Variants in DCAF4 observed in about 807,000 individuals in gnomAD.
DCAF4 encodes DDB1- and CUL4-associated factor 4.
Under a neutral mutation model 60.9 loss-of-function variants are expected in DCAF4, and 37 were observed. The ratio of observed to expected loss-of-function variants is 0.61; its 90% CI spans 0.47 to 0.80. The LOEUF is 0.80. Ranked by LOEUF, DCAF4 falls within the 30% of genes least tolerant of loss-of-function variation. DCAF4 has a pLI of 0.00. For missense variants in DCAF4, 577 were observed against 650.0 expected (o/e 0.89, Z 1.22); for synonymous variants, 243 against 254.8 (o/e 0.95, Z 0.44).
chr14:72,929,159 C>G lies in DCAF4; in HGVS notation c.-9+2616C>G, dbSNP rs571635159. On this transcript the variant is annotated intron_variant, in intron 1 of 13. Coordinates refer to ENST00000358377, the MANE Select transcript of DCAF4 (RefSeq NM_015604.4). The stretch of plus-strand genomic sequence containing the variant: ...CCTCCTCTGGGCCTGCGCCTTGGGC[C>G]TATTGAGGCCAGGCCTGGAATGGTG... Among the ~76,000 whole-genome samples, 385 of 150,328 alleles carry G rather than the reference C, an allele frequency of 2.6e-3. 1 individual carries two copies. Among genetic ancestry groups the G allele is most frequent in the Non-Finnish European group, 3.4e-3 (231 of 67,380 alleles).
At chr14:72,941,492 C>T (rs1225957677) in intron 4 of DCAF4, among the ~76,000 whole-genome samples, 4 of 152,140 alleles carry the variant, frequency 2.6e-5, no homozygotes, top group South Asian at 4.2e-4. Context: ...TTCGTCCCCC[C>T]GGGTGTATGT....
rs564364944 is a variant in DCAF4, at chr14:72,940,471, G to A, written c.351+94G>A. Reference sequence around the variant, plus strand: ...AAGGGTGCCAATTAGATGCCCCTGCGACACTTAGCAGAGGCACTTCAGGGG... The same window carrying A: ...AAGGGTGCCAATTAGATGCCCCTGCAACACTTAGCAGAGGCACTTCAGGGG... On this transcript the variant is annotated intron_variant, in intron 4 of 13. Transcript: ENST00000358377. 533 of 1,338,982 alleles carry A rather than the reference G, an allele frequency of 4.0e-4. 2 individuals are homozygous for A. The highest frequency in any genetic ancestry group is 4.8e-4 in the Non-Finnish European group (480 of 1,009,932). 82.9% of individuals were successfully genotyped at this position (1,338,982 alleles called of 1,614,324 possible).
chr14:72,937,964 CT>C lies in DCAF4; in HGVS notation c.-8-3del. 1.3e-6 allele frequency: 2 copies of C among 1,582,646 alleles called. No individual in the cohort carries two copies. Among genetic ancestry groups the C allele is most frequent in the Non-Finnish European group, 1.7e-6 (2 of 1,170,570 alleles). On this transcript the variant is annotated splice_polypyrimidine_tract_variant and splice_region_variant and intron_variant, in intron 1 of 13. Transcript: ENST00000358377. ...GATGTATGGATTTTTTTGTTTTTCTCTTTTAGGAACAGAAATGAATAAAAGT... is the reference window on the plus strand; with the variant it reads ...GATGTATGGATTTTTTTGTTTTTCTCTTTAGGAACAGAAATGAATAAAAGT...
intron 6 of DCAF4, among the ~76,000 whole-genome samples, chr14:72,943,324 C>T (rs1890300914): frequency 6.6e-6 from 1 of 152,210 alleles, no homozygotes; most frequent in Middle Eastern, 3.2e-3. Context: ...ACTTCAGCTC[C>T]GTCGTTTAAC....
intron 7 of DCAF4, among the ~76,000 whole-genome samples, chr14:72,946,303 G>A (rs1890738707): frequency 6.6e-6 from 1 of 151,944 alleles, no homozygotes; most frequent in South Asian, 2.1e-4. Context: ...CTCGGGGGGA[G>A]GTGAGGTGGG....
At chr14:72,953,802 GTGTGTGTGTGTGTGTGTGTGTGTGTGTA>G (rs1891891010) in intron 9 of DCAF4, among the ~76,000 whole-genome samples, 1 of 131,642 alleles carries the variant, frequency 7.6e-6, no homozygotes, top group African/African-American at 3.0e-5. Context: ...GTGTGTGTGT[GTGTGTGTGTGTGTGTGTGTGTGTGTGTA>G]TATACACACA....
At position 72,941,787 on chromosome 14, in the gene DCAF4, A is replaced by T. The variant is rs1297966200; in HGVS notation, c.394A>T (p.Ser132Cys). The change falls in exon 5 of 14, where the codon AGC becomes TGC. Residue 132 changes from serine (S) to cysteine (C), a missense_variant. Physicochemically the swap from Ser to Cys is moderately radical, Grantham distance 112. Coordinates refer to ENST00000358377, the MANE Select transcript of DCAF4 (RefSeq NM_015604.4). The stretch of plus-strand genomic sequence containing the variant: ...TAATGCATCTTCCATGCTACGAAAA[A>T]GCCAGCTGGGTTTTCTCAACGTCAC... ...GFNASSMLRK[S>C]QLGFLNVTNY... The T allele has an allele frequency of 6.2e-7, 1 of 1,614,158 alleles. No homozygotes were observed. The highest frequency in any genetic ancestry group is 1.7e-5 in the Admixed American group (1 of 60,008).
At chr14:72,932,237 TG>T (rs200959646) in intron 1 of DCAF4, among the ~76,000 whole-genome samples, 2,001 of 152,320 alleles carry the variant, frequency 0.013, 48 homozygotes, top group African/African-American at 0.045. Flanking sequence ...GCGATCTGCC[TG>T]CCTTGGCCTC....
rs1890055575 is a variant in DCAF4 at position 72,941,621 on chromosome 14, A to G, written c.352-124A>G. 11 of 860,860 alleles carry G rather than the reference A, an allele frequency of 1.3e-5. No homozygotes were observed. In the Admixed American group the frequency reaches 2.3e-4, roughly 18 times the overall value. 53.3% of individuals were successfully genotyped at this position (860,860 alleles called of 1,614,324 possible). On this transcript the variant is annotated intron_variant, in intron 4 of 13. Coordinates refer to ENST00000358377, the MANE Select transcript of DCAF4 (RefSeq NM_015604.4). ...AAAGGACACCGTCAGATTTTTATGC[A>G]TATAATTTCTGCCAATTTAGTGCCT...
chr14:72,949,018 C>G (rs1440352664), intron 8 of DCAF4, among the ~76,000 whole-genome samples: 1 of 152,174 alleles, frequency 6.6e-6, no homozygotes, highest in African/African-American at 2.4e-5. Flanking sequence ...CCTTCCAAAC[C>G]CAGAAGCAAA....
At position 72,954,452 on chromosome 14, in the gene DCAF4, G is replaced by A; in HGVS notation, c.974G>A (p.Ser325Asn). 1.9e-6 allele frequency: 3 copies of A among 1,614,248 alleles called. No individual in the cohort carries two copies. The highest frequency in any genetic ancestry group is 2.5e-6 in the Non-Finnish European group (3 of 1,180,052). ...CACCGGCAGTCCTTTGGGACCAACA[G>A]TGATGTCTTGGCCCAGCAGTTTGCT... ...TGHRQSFGTN[S>N]DVLAQQFALM... Residue 325 changes from serine to asparagine, a missense_variant, in exon 11 of 14, where the codon AGT (serine) becomes AAT (asparagine). By Grantham distance (46) the Ser-to-Asn change is conservative. Coordinates refer to ENST00000358377, the MANE Select transcript of DCAF4 (RefSeq NM_015604.4).
chr14:72,938,236 G>C (rs185549551), intron 2 of DCAF4, among the ~76,000 whole-genome samples, 166 bp downstream of exon 2: 3 of 152,214 alleles, frequency 2.0e-5, no homozygotes, highest in Non-Finnish European at 4.4e-5. Flanking sequence ...CCTTCCTAAC[G>C]TGCTCCCAGG....
intron 5 of DCAF4, 100 bp from the exon 6 acceptor site, chr14:72,942,894 G>A (rs1890233432): frequency 2.0e-6 from 2 of 1,012,688 alleles, no homozygotes; most frequent in Admixed American, 4.3e-5. Flanking sequence ...GGCTGACGAG[G>A]AGAGATGGGC....
At chr14:72,960,361 G>T (rs145192710), downstream of DCAF4, among the ~76,000 whole-genome samples, 157 of 152,090 alleles carry the variant, frequency 1.0e-3, 1 homozygote, top group African/African-American at 3.7e-3. Context: ...TGTTGGTCAG[G>T]CTGGCCTCAA....
At chr14:72,961,375 A>G (rs754159294), downstream of DCAF4, among the ~76,000 whole-genome samples, 2 of 152,160 alleles carry the variant, frequency 1.3e-5, no homozygotes, top group Non-Finnish European at 2.9e-5. Flanking sequence ...AAGAGTTGAG[A>G]GATACTTTTC....
intron 2 of DCAF4, among the ~76,000 whole-genome samples, chr14:72,938,625 A>G (rs890688215): frequency 1.6e-4 from 24 of 152,192 alleles, no homozygotes; most frequent in Non-Finnish European, 2.9e-4. Context: ...GGTGTAGCCA[A>G]TTGCTCCGAG....
At chr14:72,928,184 CCA>C (rs1555521023) in intron 1 of DCAF4, among the ~76,000 whole-genome samples, 2 of 39,676 alleles carry the variant, frequency 5.0e-5, no homozygotes, top group East Asian at 1.7e-3. Context: ...CAGAATCCCC[CCA>C]CTTTTTTTTT....
At chr14:72,956,072 G>A (rs1051261705) in intron 12 of DCAF4, among the ~76,000 whole-genome samples, 13 of 151,790 alleles carry the variant, frequency 8.6e-5, no homozygotes, top group African/African-American at 1.2e-4. Context: ...ACAGGTACCC[G>A]CCACTGCGCC....
intron 13 of DCAF4, chr14:72,957,210 CAAAAT>C (rs1048307862): frequency 1.3e-5 from 2 of 152,056 alleles, no homozygotes; most frequent in African/African-American, 4.8e-5. Context: ...GACTCCGTCT[CAAAAT>C]AAATAAATAA....
Sources: allele counts gnomAD v4.1 joint callset (sites outside exome capture counted in the v4.1 genomes callset), GRCh38; gene constraint gnomAD v4.1.1; transcripts MANE v1.5; gene names NCBI Gene and HGNC (gene_info 2026-07-23, HGNC 2026-07-21).